The following TAF4B variants were observed in gnomAD, a reference collection of about 807,000 sequenced individuals.
The protein encoded by TAF4B is TATA-box binding protein associated factor 4b, also known as transcription initiation factor TFIID subunit 4B.
TAF4B carries 38 observed loss-of-function variants against 86.4 expected under a neutral mutation model. The ratio of observed to expected loss-of-function variants is 0.44; its 90% CI spans 0.34 to 0.58. TAF4B has a LOEUF of 0.58. Ranked by LOEUF, TAF4B falls within the 20% of genes least tolerant of loss-of-function variation. The pLI is 0.02. For missense variants in TAF4B, 988 were observed against 1,027.6 expected (o/e 0.96, Z 0.53); for synonymous variants, 388 against 391.2 (o/e 0.99, Z 0.10).
intron 1 of TAF4B, chr18:26,255,863 G>C: frequency 7.6e-7 from 1 of 1,312,522 alleles, no homozygotes; most frequent in South Asian, 1.2e-5. Context: ...GTCTTTTCTA[G>C]TATGTGAGAT....
chr18:26,353,967 A>G (rs759058364), intron 13 of TAF4B, among the ~76,000 whole-genome samples: 1 of 152,152 alleles, frequency 6.6e-6, no homozygotes, highest in Non-Finnish European at 1.5e-5. Context: ...ATACATTTTT[A>G]TAGTTTTACA....
intron 14 of TAF4B, among the ~76,000 whole-genome samples, chr18:26,383,791 T>C (rs748804872): frequency 1.3e-5 from 2 of 152,178 alleles, no homozygotes; most frequent in African/African-American, 2.4e-5. Flanking sequence ...TGCAGTGTTG[T>C]CTGTATTCTG....
intron 1 of TAF4B, 60 bp from the exon 2 acceptor site, chr18:26,265,108 ATG>A: frequency 6.6e-7 from 1 of 1,513,486 alleles, no homozygotes; most frequent in East Asian, 2.3e-5. Flanking sequence ...AGAAGAAAAT[ATG>A]TGATGGTTAT....
chr18:26,276,355 TTTCATA>T (rs2056384231), intron 5 of TAF4B, among the ~76,000 whole-genome samples: 1 of 152,180 alleles, frequency 6.6e-6, no homozygotes, highest in Non-Finnish European at 1.5e-5. Context: ...TTAGCAAATA[TTTCATA>T]TTATATGCTT....
chr18:26,244,940 T>A (rs767496688), intron 1 of TAF4B, among the ~76,000 whole-genome samples: 25 of 152,260 alleles, frequency 1.6e-4, no homozygotes, highest in East Asian at 1.9e-4. Context: ...GTCAACCAAC[T>A]TTTTGTCGGG....
chr18:26,256,047 T>C, intron 1 of TAF4B: 2 of 1,296,864 alleles, frequency 1.5e-6, no homozygotes, highest in Non-Finnish European at 2.2e-6. Context: ...ATATGGTTGC[T>C]CTTTATCTTG....
intron 1 of TAF4B, among the ~76,000 whole-genome samples, chr18:26,229,494 C>CTTTTTTTTTTTTTTTTTTTTTTTTTT (rs34261854): frequency 7.7e-6 from 1 of 129,376 alleles, no homozygotes; most frequent in South Asian, 2.4e-4. Flanking sequence ...TTCTTTCTTT[C>CTTTTTTTTTTTTTTTTTTTTTTTTTT]TTTTTTTTTT....
chr18:26,272,179 C>T (rs1482512563), intron 3 of TAF4B, among the ~76,000 whole-genome samples: 1 of 152,112 alleles, frequency 6.6e-6, no homozygotes, highest in Non-Finnish European at 1.5e-5. Flanking sequence ...TGGAACCTTT[C>T]CCCTAATCTT....
In TAF4B at chr18:26,293,580, A is replaced by T. The variant is rs759869926; in HGVS notation, c.1832+49A>T. On this transcript the variant is annotated intron_variant, in intron 9 of 14. Transcript: ENST00000269142. ...TGGTTTAAGGAAGTAATTTTTTTTT[A>T]AAAAGGAGAGATGACAGAATAATAC... 15 of 1,216,880 alleles carry T rather than the reference A, an allele frequency of 1.2e-5. No homozygotes were observed. The South Asian group carries it at 1.4e-4, about 11-fold the overall frequency. 75.4% of individuals were successfully genotyped at this position (1,216,880 alleles called of 1,614,324 possible).
chr18:26,317,757 A>C (rs2056926131), intron 10 of TAF4B, among the ~76,000 whole-genome samples: 1 of 152,224 alleles, frequency 6.6e-6, no homozygotes, highest in South Asian at 2.1e-4. Flanking sequence ...TGGCAGAAAG[A>C]TAACTAGCTA....
At chr18:26,320,959 C>A in intron 10 of TAF4B, 111 bp from the exon 11 acceptor site, 1 of 1,324,532 alleles carries the variant, frequency 7.5e-7, no homozygotes, top group Non-Finnish European at 1.0e-6. Context: ...ATCTCCAAAC[C>A]TTTATTCATA....
chr18:26,253,396 A>T (rs2056034930), intron 1 of TAF4B, among the ~76,000 whole-genome samples: 1 of 152,212 alleles, frequency 6.6e-6, no homozygotes, highest in African/African-American at 2.4e-5. Context: ...GTGTTTGGAT[A>T]CTAAACCACC....
intron 2 of TAF4B, chr18:26,266,354 C>G (rs551081777): frequency 6.6e-6 from 1 of 151,640 alleles, no homozygotes; most frequent in East Asian, 2.0e-4. Context: ...TCAGGTGATC[C>G]GCCCACCTTG....
Position 26,346,857 on chromosome 18 carries a change from ATG to A in TAF4B, c.2317-10829_2317-10828del, listed in dbSNP as rs1296161066. 5.1e-4 allele frequency among the ~76,000 whole-genome samples: 5 copies of A among 9,844 alleles called. 1 individual carries two copies. The highest frequency in any genetic ancestry group is 9.5e-4 in the Non-Finnish European group (3 of 3,144). 6.5% of individuals were successfully genotyped at this position (9,844 alleles called of 152,430 possible). A position where few individuals can be genotyped will look rare whatever the true frequency, so the allele number is the denominator to read the frequency against. ...TATATGTGTGTGTGTATATATATAT[ATG>A]TGTATATATATATATGTGTATATAT... On this transcript the variant is annotated intron_variant, in intron 13 of 14. Coordinates refer to ENST00000269142, the MANE Select transcript of TAF4B (RefSeq NM_005640.3).
intron 5 of TAF4B, among the ~76,000 whole-genome samples, chr18:26,278,547 G>A (rs2056409736): frequency 6.6e-6 from 1 of 151,592 alleles, no homozygotes; most frequent in Admixed American, 6.6e-5. Flanking sequence ...GGCCTCAAGC[G>A]ATCCTGCACC....
chr18:26,346,787 A>ATATATGTG (rs1567913689), intron 13 of TAF4B, among the ~76,000 whole-genome samples: 2 of 24,138 alleles, frequency 8.3e-5, no homozygotes, highest in South Asian at 1.5e-3. Flanking sequence ...GTGTGTATAT[A>ATATATGTG]TATATATATA....
rs76924814 is a variant in TAF4B, at chr18:26,329,089, C to T, written c.2259+1949C>T. 8.4e-4 allele frequency among the ~76,000 whole-genome samples: 128 copies of T among 151,982 alleles called. 1 individual carries two copies. In the East Asian group the frequency reaches 0.014, roughly 17 times the overall value. Reference sequence around the variant, plus strand: ...TTTCTTTCTTTTTGAGACAGAGTTTCACTCTGTTACTAGGCTGGAGTACAG... The same window carrying T: ...TTTCTTTCTTTTTGAGACAGAGTTTTACTCTGTTACTAGGCTGGAGTACAG... On this transcript the variant is annotated intron_variant, in intron 12 of 14. Coordinates refer to ENST00000269142, the MANE Select transcript of TAF4B (RefSeq NM_005640.3).
chr18:26,228,918 G>C (rs377713297), intron 1 of TAF4B, among the ~76,000 whole-genome samples: 1 of 152,120 alleles, frequency 6.6e-6, no homozygotes, highest in Admixed American at 6.6e-5. Context: ...GGTCATAATA[G>C]GTAGGTAGCA....
At chr18:26,370,741 G>A (rs889874736) in intron 14 of TAF4B, among the ~76,000 whole-genome samples, 2 of 152,154 alleles carry the variant, frequency 1.3e-5, no homozygotes, top group Non-Finnish European at 2.9e-5. Context: ...GTTGGATCAG[G>A]CTGAAGTTAT....
Sources: allele counts gnomAD v4.1 joint callset (sites outside exome capture counted in the v4.1 genomes callset), GRCh38; gene constraint gnomAD v4.1.1; transcripts MANE v1.5; gene names NCBI Gene and HGNC (gene_info 2026-07-23, HGNC 2026-07-21).